Variants in STXBP5L observed in about 807,000 individuals in gnomAD.
The protein encoded by STXBP5L is syntaxin binding protein 5L, also known as syntaxin-binding protein 5-like.
STXBP5L carries 65 observed loss-of-function variants against 144.5 expected under a neutral mutation model. The observed-to-expected ratio is 0.45, with a 90% CI of 0.37 to 0.55. The LOEUF (loss-of-function observed/expected upper bound fraction) is 0.55. Ranked by LOEUF, STXBP5L falls within the 20% of genes least tolerant of loss-of-function variation. The pLI, the probability that STXBP5L is intolerant of heterozygous loss-of-function variation, is 0.00. For missense variants in STXBP5L, 1,298 were observed against 1,405.5 expected, an observed-to-expected ratio of 0.92 and a Z score of 1.22; for synonymous variants, 505 against 469.6, an observed-to-expected ratio of 1.08 and a Z score of -0.97.
chr3:121,328,913 C>T (rs2044236643), intron 20 of STXBP5L, among the ~76,000 whole-genome samples: 1 of 151,738 alleles, frequency 6.6e-6, no homozygotes, highest in Non-Finnish European at 1.5e-5. Flanking sequence ...ACCTTCTATT[C>T]CTCATTAGAA....
intron 10 of STXBP5L, among the ~76,000 whole-genome samples, chr3:121,220,014 G>T (rs2048925937): frequency 6.6e-6 from 1 of 151,914 alleles, no homozygotes; most frequent in Admixed American, 6.6e-5. Context: ...TTCTTTTGGT[G>T]TACAGTTTCA....
At chr3:121,120,187 A>G (rs968089780) in intron 6 of STXBP5L, among the ~76,000 whole-genome samples, 3 of 151,308 alleles carry the variant, frequency 2.0e-5, no homozygotes, top group Non-Finnish European at 4.5e-5. Flanking sequence ...CACTTTGGTA[A>G]GTGTTAGTGC....
At chr3:120,994,609 C>A (rs1386579521) in intron 3 of STXBP5L, among the ~76,000 whole-genome samples, 2 of 152,006 alleles carry the variant, frequency 1.3e-5, no homozygotes, top group Non-Finnish European at 2.9e-5. Flanking sequence ...TGTTGAAGTA[C>A]CCTTGCCTCT....
intron 3 of STXBP5L, among the ~76,000 whole-genome samples, chr3:120,990,063 T>C (rs573274338): frequency 9.9e-5 from 15 of 152,220 alleles, no homozygotes; most frequent in East Asian, 3.9e-4. Context: ...AAAACCCCAT[T>C]GTCTCAGCCC....
chr3:121,191,089 C>T (rs1031103664), intron 9 of STXBP5L, among the ~76,000 whole-genome samples: 13 of 151,966 alleles, frequency 8.6e-5, no homozygotes, highest in Non-Finnish European at 1.5e-4. Context: ...CCTCACATCC[C>T]AGACGATGGG....
chr3:121,176,019 A>G (rs571183267), intron 9 of STXBP5L, among the ~76,000 whole-genome samples: 2 of 152,220 alleles, frequency 1.3e-5, no homozygotes, highest in East Asian at 3.9e-4. Context: ...AGACATAATA[A>G]TGCTAACTGT....
At chr3:121,187,202 C>G (rs890216061) in intron 9 of STXBP5L, among the ~76,000 whole-genome samples, 1 of 152,034 alleles carries the variant, frequency 6.6e-6, no homozygotes, top group Non-Finnish European at 1.5e-5. Flanking sequence ...ACATGTACAC[C>G]ATGGAATACT....
chr3:121,167,012 A>C (rs2046526566), intron 9 of STXBP5L, among the ~76,000 whole-genome samples: 1 of 152,178 alleles, frequency 6.6e-6, no homozygotes. Flanking sequence ...AGGAGCCTAA[A>C]AATATGCCAG....
At chr3:120,938,558 G>A (rs1710389133) in intron 2 of STXBP5L, among the ~76,000 whole-genome samples, 1 of 152,100 alleles carries the variant, frequency 6.6e-6, no homozygotes. Flanking sequence ...ATTATCCTGT[G>A]GTTCCTTTAA....
chr3:121,254,508 G>A (rs1233563706), intron 15 of STXBP5L, among the ~76,000 whole-genome samples: 1 of 152,104 alleles, frequency 6.6e-6, no homozygotes. Context: ...GGGGAAAACT[G>A]AGATAAAGAA....
rs1414625599 is a variant in STXBP5L, at chr3:121,044,612, G to A, written c.370-823G>A. 2.6e-5 allele frequency among the ~76,000 whole-genome samples: 4 copies of A among 152,110 alleles called. No homozygotes were observed. In the East Asian group the frequency reaches 7.7e-4, roughly 29 times the overall value. On this transcript the variant is annotated intron_variant, in intron 4 of 26. Coordinates refer to ENST00000471454, the MANE Select transcript of STXBP5L (RefSeq NM_001308330.2). ...GGATTTAGGATCTGTGAATGGGTAA[G>A]CATCGACATTTTCAGCTGGTTAGCT...
chr3:121,028,044 G>A (rs1437513346), intron 3 of STXBP5L, among the ~76,000 whole-genome samples: 2 of 152,030 alleles, frequency 1.3e-5, no homozygotes, highest in African/African-American at 4.8e-5. Context: ...TAAAAATTCA[G>A]TCAGTTAAAT....
chr3:121,384,685 A>AT (rs1164184387), intron 22 of STXBP5L, among the ~76,000 whole-genome samples: 1 of 152,002 alleles, frequency 6.6e-6, no homozygotes, highest in East Asian at 1.9e-4. Context: ...CTAGTAGATT[A>AT]TTTTTTCAGT....
At chr3:121,071,482 C>T (rs2041809775) in intron 5 of STXBP5L, among the ~76,000 whole-genome samples, 1 of 152,178 alleles carries the variant, frequency 6.6e-6, no homozygotes, top group Admixed American at 6.5e-5. Flanking sequence ...ACTGCAGGAT[C>T]AGCCATGTTG....
chr3:121,283,252 A>T (rs1392509169), intron 19 of STXBP5L, among the ~76,000 whole-genome samples: 3 of 152,026 alleles, frequency 2.0e-5, no homozygotes, highest in Non-Finnish European at 4.4e-5. Context: ...TACTAATGGA[A>T]TCTTATCAGT....
chr3:120,964,505 A>G (rs997445793), intron 3 of STXBP5L, among the ~76,000 whole-genome samples: 43 of 152,056 alleles, frequency 2.8e-4, no homozygotes, highest in African/African-American at 9.7e-4. Flanking sequence ...GAACATCTTT[A>G]TTTCTGCCTT....
intron 19 of STXBP5L, among the ~76,000 whole-genome samples, chr3:121,291,341 C>T (rs2051431629): frequency 6.6e-6 from 1 of 151,940 alleles, no homozygotes; most frequent in South Asian, 2.1e-4. Flanking sequence ...AGAAATTTAC[C>T]TAACTAAGGA....
At chr3:120,968,958 G>A (rs1414667372) in intron 3 of STXBP5L, among the ~76,000 whole-genome samples, 2 of 151,996 alleles carry the variant, frequency 1.3e-5, no homozygotes, top group African/African-American at 2.4e-5. Context: ...AGACACTTAG[G>A]TTAGTTCCAT....
At chr3:121,091,052 G>C (rs1350597979) in intron 5 of STXBP5L, among the ~76,000 whole-genome samples, 1 of 150,440 alleles carries the variant, frequency 6.6e-6, no homozygotes, top group South Asian at 2.1e-4. Flanking sequence ...TCTTGTGATA[G>C]TTTACTGAGA....
Sources: allele counts gnomAD v4.1 joint callset (sites outside exome capture counted in the v4.1 genomes callset), GRCh38; gene constraint gnomAD v4.1.1; transcripts MANE v1.5; gene names NCBI Gene and HGNC (gene_info 2026-07-23, HGNC 2026-07-21).